Variants in AGTPBP1 observed in about 807,000 individuals in gnomAD.
The protein encoded by AGTPBP1 is cytosolic carboxypeptidase 1.
In AGTPBP1, 70 loss-of-function variants were observed where a neutral mutation model predicts 143.9. The observed-to-expected ratio is 0.49, with a 90% CI of 0.40 to 0.59. The LOEUF (loss-of-function observed/expected upper bound fraction) is 0.59, where lower values mean the gene tolerates loss of function less well. Ranked by LOEUF, AGTPBP1 falls within the 20% of genes least tolerant of loss-of-function variation. The pLI is 0.00. For missense variants in AGTPBP1, 1,229 were observed against 1,464.5 expected (o/e 0.84, Z 2.62); for synonymous variants, 463 against 500.2 (o/e 0.93, Z 0.99).
intron 13 of AGTPBP1, among the ~76,000 whole-genome samples, chr9:85,636,111 A>C (rs1396838812): frequency 2.6e-5 from 4 of 152,118 alleles, no homozygotes; most frequent in Non-Finnish European, 4.4e-5. Flanking sequence ...CAATTCAACA[A>C]GGTAGAAGGA....
chr9:85,772,814 G>T, the AGTPBP1 span, among the ~76,000 whole-genome samples: 1 of 152,150 alleles, frequency 6.6e-6, no homozygotes, highest in Non-Finnish European at 1.5e-5. Flanking sequence ...CCATTCTGGA[G>T]TTAAAACTTG....
the AGTPBP1 span, among the ~76,000 whole-genome samples, chr9:85,773,320 CTTTTTTTTT>C: frequency 3.3e-5 from 1 of 29,948 alleles, no homozygotes; most frequent in African/African-American, 1.4e-4. Flanking sequence ...CCAACAAATT[CTTTTTTTTT>C]TTTTTTTTTT....
chr9:85,694,023 A>C (rs750992339), intron 2 of AGTPBP1, among the ~76,000 whole-genome samples: 1 of 152,182 alleles, frequency 6.6e-6, no homozygotes, highest in African/African-American at 2.4e-5. Flanking sequence ...TGGAGGAGAC[A>C]GTGAGGAACA....
At chr9:85,708,865 A>G (rs886970470) in intron 2 of AGTPBP1, among the ~76,000 whole-genome samples, 2 of 152,194 alleles carry the variant, frequency 1.3e-5, no homozygotes, top group Non-Finnish European at 2.9e-5. Context: ...ACTTGCCACA[A>G]AGAAAATTCC....
intron 8 of AGTPBP1, among the ~76,000 whole-genome samples, chr9:85,667,299 A>G (rs1450569559): frequency 6.6e-6 from 1 of 152,152 alleles, no homozygotes; most frequent in Non-Finnish European, 1.5e-5. Flanking sequence ...ATATTTTAAA[A>G]TATTTGACCC....
the AGTPBP1 span, among the ~76,000 whole-genome samples, chr9:85,762,154 C>T: frequency 1.3e-5 from 2 of 152,176 alleles, no homozygotes; most frequent in South Asian, 2.1e-4. Flanking sequence ...GAAATAGGAA[C>T]ACTTTTACAC....
chr9:85,735,269 G>C (rs1032236044), intron 1 of AGTPBP1, among the ~76,000 whole-genome samples: 4 of 152,188 alleles, frequency 2.6e-5, no homozygotes, highest in African/African-American at 9.7e-5. Flanking sequence ...AAATAAGCCA[G>C]TCACAAAAAG....
At chr9:85,630,945 G>A (rs1180496252) in intron 14 of AGTPBP1, among the ~76,000 whole-genome samples, 1 of 152,164 alleles carries the variant, frequency 6.6e-6, no homozygotes, top group African/African-American at 2.4e-5. Context: ...TTAAAATTGA[G>A]GAAGGGAGTA....
intron 8 of AGTPBP1, among the ~76,000 whole-genome samples, chr9:85,668,230 T>C (rs981400599): frequency 3.3e-5 from 5 of 152,080 alleles, no homozygotes; most frequent in African/African-American, 1.2e-4. Context: ...CTAAATATAA[T>C]GAAGAATAAT....
chr9:85,788,054 C>G, the AGTPBP1 span: 1 of 151,938 alleles, frequency 6.6e-6, no homozygotes. Flanking sequence ...AGAAACAAAC[C>G]AAAACAAAAC....
rs370128849 is a variant in AGTPBP1, at chr9:85,668,465, A to G, written c.662+1020T>C. ...GCAACAGAGAGAGACTCCATTTCAAAAAAAAAAAAGAAATTAATAATTTTG... is the reference window on the plus strand; with the variant it reads ...GCAACAGAGAGAGACTCCATTTCAAGAAAAAAAAAGAAATTAATAATTTTG... On this transcript the variant is annotated intron_variant, in intron 8 of 25. Transcript: ENST00000357081. 9.9e-5 allele frequency among the ~76,000 whole-genome samples: 15 copies of G among 151,870 alleles called. No individual in the cohort carries two copies. The South Asian group carries it at 3.1e-3, about 31-fold the overall frequency.
Position 85,677,429 on chromosome 9 carries a change from C to G in AGTPBP1, c.436+7G>C, listed in dbSNP as rs756948575. ...GATACAATAATCATACAAATGAAATCCCTTACCTTTTGGTCCAATCTTTGC... is the reference window on the plus strand; with the variant it reads ...GATACAATAATCATACAAATGAAATGCCTTACCTTTTGGTCCAATCTTTGC... On this transcript the variant is annotated splice_region_variant and intron_variant, in intron 6 of 25. Coordinates refer to ENST00000357081, the MANE Select transcript of AGTPBP1 (RefSeq NM_001330701.2). The G allele has an allele frequency of 1.2e-5, 19 of 1,604,878 alleles. No individual in the cohort carries two copies. The highest frequency in any genetic ancestry group is 1.6e-5 in the Non-Finnish European group (19 of 1,176,074).
the AGTPBP1 span, among the ~76,000 whole-genome samples, chr9:85,787,534 T>C: frequency 6.6e-6 from 1 of 152,152 alleles, no homozygotes; most frequent in Non-Finnish European, 1.5e-5. Flanking sequence ...AATATGTCAA[T>C]GAAATTTTTA....
chr9:85,621,647 G>C (rs965523672), intron 14 of AGTPBP1, among the ~76,000 whole-genome samples: 2 of 152,070 alleles, frequency 1.3e-5, no homozygotes, highest in South Asian at 2.1e-4. Context: ...TTACGAGAAG[G>C]TATAAAGATG....
At chr9:85,574,230 G>C (rs1256528964) in intron 25 of AGTPBP1, among the ~76,000 whole-genome samples, 2 of 152,110 alleles carry the variant, frequency 1.3e-5, no homozygotes, top group East Asian at 1.9e-4. Flanking sequence ...ATGGATTAAG[G>C]GCGGTGCAAG....
At chr9:85,670,681 T>C (rs779231898) in intron 7 of AGTPBP1, among the ~76,000 whole-genome samples, 27 of 152,132 alleles carry the variant, frequency 1.8e-4, no homozygotes, top group Non-Finnish European at 3.1e-4. Context: ...CTGAGATGTA[T>C]AGCAAGACCC....
At chr9:85,741,153 G>C in intron 1 of AGTPBP1, 2 of 914,440 alleles carry the variant, frequency 2.2e-6, no homozygotes, top group Non-Finnish European at 2.6e-6. Flanking sequence ...AGGGTGATCT[G>C]ATTCAGGTTC....
intron 12 of AGTPBP1, among the ~76,000 whole-genome samples, chr9:85,644,602 C>T (rs1161128799): frequency 6.6e-6 from 1 of 152,082 alleles, no homozygotes; most frequent in African/African-American, 2.4e-5. Context: ...GCTACCACTC[C>T]TTAAAAGTTC....
chr9:85,652,975 A>G (rs1296388176), intron 11 of AGTPBP1, among the ~76,000 whole-genome samples: 1 of 152,182 alleles, frequency 6.6e-6, no homozygotes, highest in Non-Finnish European at 1.5e-5. Context: ...TGGTATGAGG[A>G]CAAAAGACAC....
Sources: allele counts gnomAD v4.1 joint callset (sites outside exome capture counted in the v4.1 genomes callset), GRCh38; gene constraint gnomAD v4.1.1; transcripts MANE v1.5; gene names NCBI Gene and HGNC (gene_info 2026-07-23, HGNC 2026-07-21).